ACACB: variants seen among roughly 807,000 people sequenced by gnomAD.
ACACB encodes the protein acetyl-CoA carboxylase beta, also known as acetyl-CoA carboxylase 2.
ACACB carries 209 observed loss-of-function variants against 278.8 expected under a neutral mutation model. That is an observed-to-expected ratio of 0.75 (90% CI 0.67 to 0.84). ACACB has a LOEUF of 0.84. Among genes scored for constraint, ACACB ranks in the 40% least tolerant of loss-of-function variants. The probability of loss-of-function intolerance (pLI) is 0.00; values close to 1 mark genes in which losing one functional copy is unlikely to be tolerated. For missense variants in ACACB, 2,850 were observed against 3,269.0 expected (o/e 0.87, Z 3.13); for synonymous variants, 1,174 against 1,285.6 (o/e 0.91, Z 1.86).
rs1243484013 is a variant in ACACB, at chr12:109,235,328, GAT to G, written c.4364_4365del (p.Asp1455ValfsTer27). 1.9e-6 allele frequency: 3 copies of G among 1,613,982 alleles called. No individual in the cohort carries two copies. The highest frequency in any genetic ancestry group is 2.5e-6 in the Non-Finnish European group (3 of 1,179,982). On this transcript the variant is annotated frameshift_variant, in exon 32 of 53. Transcript: ENST00000338432. LOFTEE classifies it high-confidence loss of function. ...TTTAATGCAGAAAAATATCCTTGTG[GAT>G]TATGGACTCCGACGAATCACATTCT... ...FVQSKKNILV[D>X]YGLRRITFLI...
rs772585926 is a variant in ACACB, at chr12:109,196,993, G to A, written c.2482-15G>A. 6.5e-7 allele frequency: 1 copy of A among 1,540,740 alleles called. No homozygotes were observed. The highest frequency in any genetic ancestry group is 8.7e-7 in the Non-Finnish European group (1 of 1,151,016). On this transcript the variant is annotated splice_polypyrimidine_tract_variant and intron_variant, in intron 16 of 52. Coordinates refer to ENST00000338432, the MANE Select transcript of ACACB (RefSeq NM_001093.4). ...ATCCTGAACCCAGGCGGTGACAAGG[G>A]GCTTGTCCCCACAGGTGGCCCGGCA... is the stretch of plus-strand genomic sequence containing the variant.
intron 43 of ACACB, 65 bp downstream of exon 43, chr12:109,253,223 T>C (rs1056686697): frequency 2.1e-6 from 3 of 1,440,300 alleles, no homozygotes; most frequent in East Asian, 2.4e-5. Context: ...GCTAATTCTG[T>C]CCCTGTCACC....
At chr12:109,257,432 C>T (rs2047258060) in intron 45 of ACACB, among the ~76,000 whole-genome samples, 1 of 152,098 alleles carries the variant, frequency 6.6e-6, no homozygotes, top group Admixed American at 6.6e-5. Flanking sequence ...ATGCACAGTT[C>T]AGTAGCAAGT....
intron 1 of ACACB, among the ~76,000 whole-genome samples, chr12:109,130,171 G>C (rs1227356543): frequency 6.6e-6 from 1 of 152,178 alleles, no homozygotes; most frequent in South Asian, 2.1e-4. Flanking sequence ...GGTGAATGCT[G>C]ATGGCTCAGA....
At chr12:109,226,103 C>T (rs933182980) in intron 27 of ACACB, among the ~76,000 whole-genome samples, 1 of 151,214 alleles carries the variant, frequency 6.6e-6, no homozygotes, top group African/African-American at 2.4e-5. Context: ...CCTTTCTTTA[C>T]TAAATATAAA....
intron 19 of ACACB, among the ~76,000 whole-genome samples, chr12:109,205,953 G>A (rs1257379291): frequency 6.6e-6 from 1 of 152,006 alleles, no homozygotes; most frequent in Non-Finnish European, 1.5e-5. Flanking sequence ...TGCCCTCTAG[G>A]GAGCTTTTTA....
In ACACB at chr12:109,201,543, C is replaced by T. The variant is rs2045331947; in HGVS notation, c.2779-24C>T. ...GGTGTCAATCCCGGTGGGCTCTGTA[C>T]TATTTCTTCTTTTTACGAAATAGGT... On this transcript the variant is annotated intron_variant, in intron 18 of 52. Transcript: ENST00000338432. The T allele has an allele frequency of 3.1e-6, 5 of 1,613,566 alleles. No individual in the cohort carries two copies. In the East Asian group the frequency reaches 1.1e-4, roughly 36 times the overall value.
chr12:109,193,804 T>A, intron 16 of ACACB, 75 bp downstream of exon 16: 2 of 1,330,696 alleles, frequency 1.5e-6, no homozygotes, highest in Non-Finnish European at 2.1e-6. Flanking sequence ...CCATGAACCA[T>A]CCCTGGAGTG....
chr12:109,129,173 G>A (rs1466978582), intron 1 of ACACB, among the ~76,000 whole-genome samples: 1 of 152,256 alleles, frequency 6.6e-6, no homozygotes, highest in East Asian at 1.9e-4. Flanking sequence ...AAAAAACAAG[G>A]TAGTGACCGT....
At chr12:109,239,779 A>G in intron 34 of ACACB, 51 bp from the exon 35 acceptor site, 1 of 1,527,698 alleles carries the variant, frequency 6.5e-7, no homozygotes, top group South Asian at 1.3e-5. Flanking sequence ...GCCAGCTGGG[A>G]GTAGGCCTGC....
chr12:109,190,448 G>T (rs547721559), intron 13 of ACACB, among the ~76,000 whole-genome samples: 1 of 152,174 alleles, frequency 6.6e-6, no homozygotes, highest in Non-Finnish European at 1.5e-5. Context: ...TTGGGGAGAG[G>T]CAGCCATGGG....
chr12:109,233,133 C>A (rs547928370), intron 29 of ACACB, among the ~76,000 whole-genome samples: 13 of 152,256 alleles, frequency 8.5e-5, no homozygotes, highest in South Asian at 4.1e-4. Flanking sequence ...CCTCTCCATA[C>A]CTTCGTTTTC....
intron 34 of ACACB, among the ~76,000 whole-genome samples, chr12:109,239,538 C>T (rs17848828): frequency 0.029 from 4,359 of 152,308 alleles, 73 homozygotes; most frequent in Middle Eastern, 0.058. Context: ...AGGAATCTGG[C>T]CCTGGGTGAT....
intron 13 of ACACB, among the ~76,000 whole-genome samples, chr12:109,191,212 C>CCTG (rs148687901): frequency 1.7e-5 from 2 of 114,958 alleles, no homozygotes; most frequent in African/African-American, 6.4e-5. Context: ...TCTCTTAACT[C>CCTG]TTCTTTTTTT....
rs1285531286 is a variant in ACACB, at chr12:109,210,573, G to T, written c.3249+1220G>T. Among the ~76,000 whole-genome samples the T allele has an allele frequency of 2.0e-5, 3 of 148,430 alleles. No individual in the cohort carries two copies. In the East Asian group the frequency reaches 5.9e-4, roughly 29 times the overall value. ...TATATATACATATATACATGTATGT[G>T]TGTATATACATATAAACATATATAT... On this transcript the variant is annotated intron_variant, in intron 21 of 52. Coordinates refer to ENST00000338432, the MANE Select transcript of ACACB (RefSeq NM_001093.4).
chr12:109,256,945 G>A (rs1175384461), intron 45 of ACACB, among the ~76,000 whole-genome samples: 2 of 152,218 alleles, frequency 1.3e-5, no homozygotes, highest in African/African-American at 4.8e-5. Context: ...AGTGGGAATG[G>A]CTGCTATCAT....
At chr12:109,166,674 A>C (rs2043913626) in intron 2 of ACACB, among the ~76,000 whole-genome samples, 187 bp from the exon 3 acceptor site, 2 of 134,244 alleles carry the variant, frequency 1.5e-5, no homozygotes, top group African/African-American at 5.1e-5. Context: ...AAAAAAAAAA[A>C]AAACCGAAGG....
At chr12:109,236,469 G>A (rs2046635822) in intron 33 of ACACB, 1 of 152,346 alleles carries the variant, frequency 6.6e-6, no homozygotes, top group Non-Finnish European at 1.5e-5. Flanking sequence ...AGTTTTATTG[G>A]AACACAGCCA....
intron 2 of ACACB, among the ~76,000 whole-genome samples, chr12:109,156,002 C>T (rs891084349): frequency 3.9e-5 from 6 of 152,138 alleles, no homozygotes; most frequent in African/African-American, 1.4e-4. Context: ...TTTGCCAATC[C>T]CTGCCTACAA....
Sources: allele counts gnomAD v4.1 joint callset (sites outside exome capture counted in the v4.1 genomes callset), GRCh38; gene constraint gnomAD v4.1.1; transcripts MANE v1.5; gene names NCBI Gene and HGNC (gene_info 2026-07-23, HGNC 2026-07-21).